AAMDC: variants seen among roughly 807,000 people sequenced by gnomAD.
AAMDC encodes the protein mth938 domain-containing protein.
AAMDC carries 16 observed loss-of-function variants against 15.5 expected under a neutral mutation model. That is an observed-to-expected ratio of 1.03 (90% CI 0.70 to 1.57). The LOEUF is 1.57. AAMDC is among the 40% of genes most tolerant of loss of function. The pLI, the probability that AAMDC is intolerant of heterozygous loss-of-function variation, is 0.00. For missense variants in AAMDC, 141 were observed against 144.9 expected (o/e 0.97, Z 0.14); for synonymous variants, 51 against 51.6 (o/e 0.99, Z 0.05).
chr11:77,836,567 A>G (rs1381845005), intron 1 of AAMDC, among the ~76,000 whole-genome samples: 2 of 152,210 alleles, frequency 1.3e-5, no homozygotes, highest in Non-Finnish European at 2.9e-5. Context: ...AGTCTGTGGT[A>G]TTTTGTAATG....
At chr11:77,879,356 C>T (rs1322229512) in intron 5 of AAMDC, among the ~76,000 whole-genome samples, 1 of 152,214 alleles carries the variant, frequency 6.6e-6, no homozygotes, top group African/African-American at 2.4e-5. Flanking sequence ...GCTGCTGAGG[C>T]AACTGGAGAG....
chr11:77,875,350 T>C (rs576222707), downstream of AAMDC, among the ~76,000 whole-genome samples: 3 of 152,296 alleles, frequency 2.0e-5, no homozygotes, highest in African/African-American at 4.8e-5. Context: ...AAGTTGCAAA[T>C]TGGCACAAAT....
intron 3 of AAMDC, among the ~76,000 whole-genome samples, chr11:77,871,690 T>G (rs1360284865): frequency 3.9e-5 from 6 of 152,224 alleles, no homozygotes; most frequent in Non-Finnish European, 8.8e-5. Context: ...TAACATTTCT[T>G]AGCTAGCATG....
At chr11:77,899,941 C>T (rs1952704059) in intron 5 of AAMDC, among the ~76,000 whole-genome samples, 2 of 152,102 alleles carry the variant, frequency 1.3e-5, no homozygotes, top group East Asian at 1.9e-4. Flanking sequence ...AGAACCTTCA[C>T]TTACCCTGTA....
rs1184727348 is a variant in AAMDC at position 77,872,156 on chromosome 11, C to G, written c.229-19C>G. ...GGGGCCTTTCCCCCTACTTACTCAT[C>G]TCTTTTCCACCTTCCCAGGTGCCTT... is the stretch of plus-strand genomic sequence containing the variant. On this transcript the variant is annotated intron_variant, in intron 3 of 3. Coordinates refer to ENST00000393427, the MANE Select transcript of AAMDC (RefSeq NM_024684.4). The G allele has an allele frequency of 5.0e-6, 8 of 1,607,760 alleles. No homozygotes were observed. The highest frequency in any genetic ancestry group is 6.8e-6 in the Non-Finnish European group (8 of 1,177,392).
chr11:77,879,593 C>T (rs994227897), intron 5 of AAMDC, among the ~76,000 whole-genome samples: 1 of 152,092 alleles, frequency 6.6e-6, no homozygotes, highest in Admixed American at 6.5e-5. Context: ...AAGTGGTTCG[C>T]CAAAAAGTTT....
intron 1 of AAMDC, chr11:77,831,867 T>A (rs1338793705): frequency 6.8e-6 from 1 of 146,124 alleles, no homozygotes; most frequent in African/African-American, 2.7e-5. Flanking sequence ...GGCTAATTTT[T>A]TTTTTTTTTT....
chr11:77,859,904 TCTC>T (rs2136241337), intron 2 of AAMDC, among the ~76,000 whole-genome samples: 1 of 152,322 alleles, frequency 6.6e-6, no homozygotes, highest in Admixed American at 6.5e-5. Context: ...CAGCCACAAG[TCTC>T]CTTTAGCAGT....
intron 5 of AAMDC, chr11:77,879,193 A>C (rs1367665971): frequency 6.4e-7 from 1 of 1,554,704 alleles, no homozygotes. Context: ...TGAAATGTGA[A>C]GTTAAAGAAA....
rs765361908 is a variant in AAMDC at position 77,894,318 on chromosome 11, A to T, written c.329-6253A>T. On this transcript the variant is annotated intron_variant, in intron 5 of 5. Transcript: ENST00000304716. ...TGAAAAAAGTCTACTTCCTGTAAAA[A>T]TTTTTCACACATCCCAAATAAGGGG... 1.7e-5 allele frequency: 26 copies of T among 1,564,208 alleles called. 3 individuals are homozygous for T. The South Asian group carries it at 3.0e-4, about 18-fold the overall frequency.
intron 5 of AAMDC, among the ~76,000 whole-genome samples, chr11:77,878,521 C>T (rs976935907): frequency 1.3e-5 from 2 of 151,944 alleles, no homozygotes; most frequent in African/African-American, 4.8e-5. Flanking sequence ...AAAAAAAGTA[C>T]AGCTGTTAAA....
intron 1 of AAMDC, among the ~76,000 whole-genome samples, chr11:77,836,022 C>T (rs1203505875): frequency 6.6e-6 from 1 of 152,148 alleles, no homozygotes; most frequent in Non-Finnish European, 1.5e-5. Flanking sequence ...CATTTTCTCA[C>T]TTATTAGCTA....
At position 77,828,678 on chromosome 11, in the gene AAMDC, A is replaced by T. The variant is rs368039252; in HGVS notation, c.-19+7437A>T. ...GAGTGAGACTCCATCTCGAAAAAAA[A>T]AAAAAAAAGAAAGAAAATTATAAAA... is the stretch of plus-strand genomic sequence containing the variant. On this transcript the variant is annotated intron_variant, in intron 1 of 3. Transcript: ENST00000393427. Among the ~76,000 whole-genome samples the T allele has an allele frequency of 4.4e-3, 665 of 152,128 alleles. 5 individuals carry two copies. Among genetic ancestry groups the T allele is most frequent in the African/African-American group, 0.015 (631 of 41,538 alleles).
chr11:77,845,191 T>C (rs1393906562), intron 2 of AAMDC, among the ~76,000 whole-genome samples: 2 of 152,222 alleles, frequency 1.3e-5, no homozygotes, highest in African/African-American at 4.8e-5. Context: ...GTATTCTTTC[T>C]ACTCCTATCT....
chr11:77,888,238 G>A (rs186627460), intron 5 of AAMDC, among the ~76,000 whole-genome samples: 1,674 of 152,244 alleles, frequency 0.011, 32 homozygotes, highest in African/African-American at 0.036. Flanking sequence ...ATAGATCAAT[G>A]GAACAGAACA....
intron 5 of AAMDC, among the ~76,000 whole-genome samples, chr11:77,894,668 C>T (rs183996290): frequency 4.2e-4 from 64 of 152,302 alleles, no homozygotes; most frequent in Admixed American, 7.2e-4. Context: ...TGTCAAGTTC[C>T]CCTTCTGCAG....
intron 5 of AAMDC, among the ~76,000 whole-genome samples, chr11:77,881,490 G>C (rs780472120): frequency 6.6e-6 from 1 of 152,218 alleles, no homozygotes; most frequent in Non-Finnish European, 1.5e-5. Context: ...CACAGTGAGG[G>C]CTGGGAAGGG....
At chr11:77,863,194 T>C (rs1565210540) in intron 2 of AAMDC, among the ~76,000 whole-genome samples, 1 of 152,118 alleles carries the variant, frequency 6.6e-6, no homozygotes, top group Non-Finnish European at 1.5e-5. Flanking sequence ...GTGTTCAGCT[T>C]GATTAGGACG....
chr11:77,857,512 G>T (rs1950672337), intron 2 of AAMDC, among the ~76,000 whole-genome samples: 1 of 152,048 alleles, frequency 6.6e-6, no homozygotes, highest in Non-Finnish European at 1.5e-5. Flanking sequence ...AATTGGTTGA[G>T]GCTAGATTGA....
Sources: allele counts gnomAD v4.1 joint callset (sites outside exome capture counted in the v4.1 genomes callset), GRCh38; gene constraint gnomAD v4.1.1; transcripts MANE v1.5; gene names NCBI Gene and HGNC (gene_info 2026-07-23, HGNC 2026-07-21).